The following PRELID1 variants were observed in gnomAD, a reference collection of about 807,000 sequenced individuals.
The protein encoded by PRELID1 is PRELI domain-containing protein 1, mitochondrial.
PRELID1 carries 15 observed loss-of-function variants against 29.0 expected under a neutral mutation model. The ratio of observed to expected loss-of-function variants is 0.52; its 90% CI spans 0.35 to 0.80. The LOEUF is 0.80. Ranked by LOEUF, PRELID1 falls within the 30% of genes least tolerant of loss-of-function variation. The pLI is 0.01. For missense variants in PRELID1, 187 were observed against 275.9 expected (o/e 0.68, Z 2.28); for synonymous variants, 79 against 106.5 (o/e 0.74, Z 1.59).
At position 177,306,934 on chromosome 5, in the gene PRELID1, A is replaced by G; in HGVS notation, c.*364A>G. On this transcript the variant is annotated 3_prime_UTR_variant, in exon 5 of 5. Transcript: ENST00000303204. The stretch of plus-strand genomic sequence containing the variant: ...CTAGCACATAATAGACACTCAATAA[A>G]TACTTGTTGAATTCAGTTGGCCCCA... 1.1e-6 allele frequency: 1 copy of G among 875,322 alleles called. No homozygotes were observed. The highest frequency in any genetic ancestry group is 1.9e-5 in the South Asian group (1 of 52,156). The allele number at this position is 875,322 out of a possible 1,614,324, so 54.2% of individuals were successfully genotyped here.
In PRELID1 at chr5:177,306,080, A is replaced by T. The variant is rs377667935; in HGVS notation, c.433-18A>T. On this transcript the variant is annotated intron_variant, in intron 3 of 4. Transcript: ENST00000303204. The stretch of plus-strand genomic sequence containing the variant: ...CAGTGGGCAACTCAGTATCCTTCCC[A>T]TTCTCATCTCATGCCAGGAATTTGG... 2 of 1,605,352 alleles carry T rather than the reference A, an allele frequency of 1.2e-6. No individual in the cohort carries two copies. The highest frequency in any genetic ancestry group is 2.2e-5 in the South Asian group (2 of 90,920).
intron 4 of PRELID1, 120 bp downstream of exon 4, chr5:177,306,296 TG>T: frequency 6.4e-7 from 1 of 1,560,050 alleles, no homozygotes; most frequent in South Asian, 1.1e-5. Flanking sequence ...GTACTGGGGG[TG>T]GGAGGAGGGT....
intron 2 of PRELID1, chr5:177,305,613 G>A (rs1287224619): frequency 4.1e-6 from 2 of 493,794 alleles, no homozygotes; most frequent in Non-Finnish European, 3.7e-6. Context: ...GGAGCAGGAT[G>A]GGCTGGAAGG....
chr5:177,304,921 T>A, intron 2 of PRELID1, 71 bp downstream of exon 2: 1 of 1,399,660 alleles, frequency 7.1e-7, no homozygotes, highest in Non-Finnish European at 9.8e-7. Context: ...GCTCCTCAGA[T>A]ACATGTGGCT....
intron 1 of PRELID1, chr5:177,304,379 C>T: frequency 1.6e-6 from 1 of 617,694 alleles, no homozygotes; most frequent in South Asian, 1.8e-5. Flanking sequence ...TGGCGCTTTC[C>T]TGGGGTGCAA....
rs1760789323 is a variant in PRELID1 at position 177,304,071 on chromosome 5, C to T, written c.86C>T (p.Pro29Leu). The change falls in exon 1 of 5, where the codon CCC (proline) becomes CTC (leucine). Residue 29 changes from proline (P) to leucine (L), a missense_variant. Transcript: ENST00000303204. ...FAAFWQRYPN[P>L]YSKHVLTEDI... ...GCCTTCTGGCAGCGGTACCCGAATC[C>T]CTATAGGTACGTGGTATTTGGAAGA... The T allele has an allele frequency of 6.2e-7, 1 of 1,610,864 alleles. No individual in the cohort carries two copies. Among genetic ancestry groups the T allele is most frequent in the African/African-American group, 1.3e-5 (1 of 74,922 alleles).
chr5:177,304,690 G>A lies in PRELID1; in HGVS notation c.158G>A (p.Arg53Gln), dbSNP rs1278033316. 6.2e-7 allele frequency: 1 copy of A among 1,614,022 alleles called. No individual in the cohort carries two copies. The highest frequency in any genetic ancestry group is 8.5e-7 in the Non-Finnish European group (1 of 1,179,956). The change falls in exon 2 of 5, where the codon CGG (arginine) becomes CAG (glutamine). Residue 53 changes from arginine to glutamine, a missense_variant. Transcript: ENST00000303204. ...EVTPDQKLLS[R>Q]RLLTKTNRMP... is the part of the protein sequence containing the mutation. ...ACCCCTGACCAGAAACTGCTGTCCC[G>A]GCGACTCCTGACCAAGACCAACAGG...
At chr5:177,306,065 C>G in intron 3 of PRELID1, 33 bp from the exon 4 acceptor site, 1 of 1,602,692 alleles carries the variant, frequency 6.2e-7, no homozygotes, top group South Asian at 1.1e-5. Context: ...CAGTGGGCAA[C>G]TCAGTATCCT....
In PRELID1 at chr5:177,306,637, C is replaced by CTT; in HGVS notation, c.*69_*70dup. 6.5e-7 allele frequency: 1 copy of CTT among 1,542,686 alleles called. No homozygotes were observed. Among genetic ancestry groups the CTT allele is most frequent in the Non-Finnish European group, 8.8e-7 (1 of 1,140,918 alleles). On this transcript the variant is annotated 3_prime_UTR_variant, in exon 5 of 5. Coordinates refer to ENST00000303204, the MANE Select transcript of PRELID1 (RefSeq NM_013237.4). ...GCCTCTCTGCCCTCCCTTCATTGTA[C>CTT]TTTATCATTAAAAATCAACTTCCAG...
intron 2 of PRELID1, chr5:177,305,557 G>T (rs1760844544): frequency 3.0e-6 from 1 of 329,170 alleles, no homozygotes; most frequent in Admixed American, 4.6e-5. Flanking sequence ...GCTGGTGGAA[G>T]GCGGCTAAAA....
chr5:177,303,802 C>G lies in PRELID1; in HGVS notation c.-184C>G. 4.6e-6 allele frequency: 2 copies of G among 430,986 alleles called. No homozygotes were observed. The highest frequency in any genetic ancestry group is 5.6e-5 in the South Asian group (1 of 17,784). The allele number at this position is 430,986 out of a possible 1,614,324, so 26.7% of individuals were successfully genotyped here. On this transcript the variant is annotated 5_prime_UTR_variant, in exon 1 of 5. Coordinates refer to ENST00000303204, the MANE Select transcript of PRELID1 (RefSeq NM_013237.4). The surrounding 1 kb of genome is among the most constrained non-coding windows in gnomAD (Gnocchi z 6.1). ...GTGTGGCTGCGCCGGAAGTGGCGCG[C>G]GGCCGGACAACTCATGGCGGCGGCG...
chr5:177,306,394 A>AC (rs766257057), intron 4 of PRELID1, 28 bp from the exon 5 acceptor site: 1 of 1,613,674 alleles, frequency 6.2e-7, no homozygotes, highest in East Asian at 2.2e-5. Flanking sequence ...GGCATCTTCT[A>AC]AAGGCAGCCA....
Position 177,303,845 on chromosome 5 carries a change from T to A in PRELID1, c.-141T>A. The A allele has an allele frequency of 7.2e-6, 4 of 558,716 alleles. No homozygotes were observed. The highest frequency in any genetic ancestry group is 1.1e-5 in the Non-Finnish European group (4 of 357,974). 34.6% of individuals were successfully genotyped at this position (558,716 alleles called of 1,614,324 possible). ...CGGCGGCGGCGGCGGCGGCAGCTGC[T>A]TGGGCGCGGTGCGGTGGTGACTGAG... is the stretch of plus-strand genomic sequence containing the variant. On this transcript the variant is annotated 5_prime_UTR_variant, in exon 1 of 5. The change creates a new upstream start codon in the 5' untranslated region. Coordinates refer to ENST00000303204, the MANE Select transcript of PRELID1 (RefSeq NM_013237.4). The surrounding 1 kb of genome is among the most constrained non-coding windows in gnomAD (Gnocchi z 6.1).
At chr5:177,304,413 T>C (rs1264209645) in intron 1 of PRELID1, 2 of 667,412 alleles carry the variant, frequency 3.0e-6, no homozygotes, top group African/African-American at 3.6e-5. Flanking sequence ...CCATTCCTGC[T>C]AGAAGGCAGG....
intron 2 of PRELID1, 93 bp from the exon 3 acceptor site, chr5:177,305,778 G>A: frequency 9.8e-7 from 1 of 1,020,418 alleles, no homozygotes; most frequent in South Asian, 1.4e-5. Flanking sequence ...TCATTGTATT[G>A]CTTCGCCTCA....
chr5:177,303,901 C>CCCCGG lies in PRELID1; in HGVS notation c.-71_-67dup, dbSNP rs1189027895. 68 of 1,227,426 alleles carry CCCCGG rather than the reference C, an allele frequency of 5.5e-5. 2 individuals are homozygous for CCCCGG. The highest frequency in any genetic ancestry group is 1.7e-4 in the South Asian group (13 of 75,558). The allele number at this position is 1,227,426 out of a possible 1,614,324, so 76.0% of individuals were successfully genotyped here. A position where few individuals can be genotyped will look rare whatever the true frequency, so the allele number is the denominator to read the frequency against. ...AGCCTGGCGGCGGGTGTGCGCCGAGCCCCGGCCCGGCCCGGCCCTCGCGTG... is the reference window on the plus strand; with the variant it reads ...AGCCTGGCGGCGGGTGTGCGCCGAGCCCCGGCCCGGCCCGGCCCGGCCCTCGCGTG... On this transcript the variant is annotated 5_prime_UTR_variant, in exon 1 of 5. Transcript: ENST00000303204. The surrounding 1 kb of genome is among the most constrained non-coding windows in gnomAD (Gnocchi z 6.1).
intron 2 of PRELID1, 45 bp from the exon 3 acceptor site, chr5:177,305,826 G>T: frequency 6.5e-7 from 1 of 1,546,708 alleles, no homozygotes; most frequent in Non-Finnish European, 8.9e-7. Flanking sequence ...GTGCAAGTTG[G>T]CAAAATGAAA....
chr5:177,305,893 A>C lies in PRELID1; in HGVS notation c.341A>C (p.Tyr114Ser). 2 of 1,614,082 alleles carry C rather than the reference A, an allele frequency of 1.2e-6. No homozygotes were observed. Among genetic ancestry groups the C allele is most frequent in the Non-Finnish European group, 1.7e-6 (2 of 1,180,026 alleles). ...TAGGTGGTGGAGGAACGATGTGTTT[A>C]CTGTGTGAACTCTGACAACAGTGGC... ...RLMVVEERCVYCVNSDNSGWT... is the reference protein window; with the variant it reads ...RLMVVEERCVSCVNSDNSGWT... The change falls in exon 3 of 5, where the codon TAC becomes TCC. Residue 114 changes from tyrosine (Y) to serine (S), a missense_variant. Coordinates refer to ENST00000303204, the MANE Select transcript of PRELID1 (RefSeq NM_013237.4).
intron 2 of PRELID1, chr5:177,305,560 G>T: frequency 2.9e-6 from 1 of 339,526 alleles, no homozygotes; most frequent in Admixed American, 4.5e-5. Flanking sequence ...GGTGGAAGGC[G>T]GCTAAAACAC....
Sources: allele counts gnomAD v4.1 joint callset, GRCh38; gene constraint gnomAD v4.1.1; non-coding constraint Gnocchi (gnomAD v3.1); transcripts MANE v1.5; gene names NCBI Gene and HGNC (gene_info 2026-07-23, HGNC 2026-07-21).